Variants in DYM observed in about 807,000 individuals in gnomAD.
DYM encodes the protein dymeclin.
Under a neutral mutation model 93.1 loss-of-function variants are expected in DYM, and 78 were observed. The ratio of observed to expected loss-of-function variants is 0.84; its 90% CI spans 0.70 to 1.01. The LOEUF (loss-of-function observed/expected upper bound fraction) is 1.01. Among genes scored for constraint, DYM ranks in the 50% least tolerant of loss-of-function variants. The pLI, the probability that DYM is intolerant of heterozygous loss-of-function variation, is 0.00. For missense variants in DYM, 789 were observed against 845.0 expected (o/e 0.93, Z 0.82); for synonymous variants, 321 against 319.7 (o/e 1.00, Z -0.04).
intron 8 of DYM, among the ~76,000 whole-genome samples, chr18:49,323,822 G>A (rs1390475774): frequency 6.6e-6 from 1 of 152,162 alleles, no homozygotes; most frequent in Non-Finnish European, 1.5e-5. Flanking sequence ...ACAAATTATG[G>A]AAGTAAGGGT....
At chr18:49,380,533 G>C (rs954286992) in intron 3 of DYM, among the ~76,000 whole-genome samples, 1 of 152,162 alleles carries the variant, frequency 6.6e-6, no homozygotes, top group Non-Finnish European at 1.5e-5. Context: ...GCATTTCACC[G>C]ATCCTCACCT....
At position 49,320,038 on chromosome 18, in the gene DYM, T is replaced by C. The variant is rs114932798; in HGVS notation, c.763+11826A>G. Among the ~76,000 whole-genome samples the C allele has an allele frequency of 3.1e-3, 478 of 152,308 alleles. 4 individuals carry two copies. Among genetic ancestry groups the C allele is most frequent in the African/African-American group, 0.011 (443 of 41,578 alleles). On this transcript the variant is annotated intron_variant, in intron 8 of 17. Transcript: ENST00000675505. Reference sequence around the variant, plus strand: ...GCCATAATCCTATAAAGCATCATCATTCCGTTTTTAAAGATAGGGAAAAGC... The same window carrying C: ...GCCATAATCCTATAAAGCATCATCACTCCGTTTTTAAAGATAGGGAAAAGC...
intron 16 of DYM, among the ~76,000 whole-genome samples, chr18:49,099,960 C>T (rs953356460): frequency 5.3e-5 from 8 of 152,060 alleles, no homozygotes; most frequent in Non-Finnish European, 8.8e-5. Context: ...TGGGGAAACA[C>T]GCTATTTCGT....
At chr18:49,165,719 CTGAA>C (rs1184557450) in intron 14 of DYM, among the ~76,000 whole-genome samples, 1 of 152,014 alleles carries the variant, frequency 6.6e-6, no homozygotes, top group Non-Finnish European at 1.5e-5. Context: ...GAAGTAATTA[CTGAA>C]TGAATAAGTA....
chr18:49,276,570 A>T (rs965549102), intron 10 of DYM, among the ~76,000 whole-genome samples: 1 of 152,166 alleles, frequency 6.6e-6, no homozygotes, highest in Non-Finnish European at 1.5e-5. Flanking sequence ...GAGAAAAACC[A>T]AGTCTAAAGT....
intron 16 of DYM, among the ~76,000 whole-genome samples, chr18:49,107,431 T>G (rs1283829964): frequency 6.6e-6 from 1 of 152,230 alleles, no homozygotes; most frequent in African/African-American, 2.4e-5. Flanking sequence ...CCGTCCAGCT[T>G]TGTTCCGTTG....
intron 5 of DYM, among the ~76,000 whole-genome samples, chr18:49,373,060 T>C (rs1164862441): frequency 2.6e-5 from 4 of 152,074 alleles, no homozygotes; most frequent in Non-Finnish European, 5.9e-5. Flanking sequence ...GACCCCAAAA[T>C]AAATACAGTA....
chr18:49,271,380 GA>G (rs997276976), intron 11 of DYM, among the ~76,000 whole-genome samples: 1 of 152,114 alleles, frequency 6.6e-6, no homozygotes, highest in Admixed American at 6.6e-5. Context: ...ATGGAAAAAG[GA>G]AAAAGTCTGT....
intron 1 of DYM, among the ~76,000 whole-genome samples, chr18:49,446,705 A>T (rs1433880038): frequency 6.6e-6 from 1 of 152,176 alleles, no homozygotes; most frequent in Non-Finnish European, 1.5e-5. Flanking sequence ...ATCAACAAGA[A>T]ATGTTAAGAT....
At chr18:49,103,293 T>C (rs930000375) in intron 16 of DYM, among the ~76,000 whole-genome samples, 2 of 152,222 alleles carry the variant, frequency 1.3e-5, no homozygotes, top group African/African-American at 2.4e-5. Flanking sequence ...TTTGAGTTCA[T>C]TGTAGATTCT....
chr18:49,145,867 T>C (rs936834646), intron 15 of DYM, among the ~76,000 whole-genome samples: 6 of 152,180 alleles, frequency 3.9e-5, no homozygotes, highest in African/African-American at 1.4e-4. Flanking sequence ...TGGTCTATTT[T>C]ACTTGTTTTC....
chr18:49,133,231 G>C (rs764786705), intron 15 of DYM, among the ~76,000 whole-genome samples: 2 of 152,110 alleles, frequency 1.3e-5, no homozygotes, highest in Non-Finnish European at 2.9e-5. Flanking sequence ...AAGACTCTTT[G>C]TCCCTACAAT....
At chr18:49,086,191 A>T (rs946039247) in intron 17 of DYM, among the ~76,000 whole-genome samples, 1 of 152,168 alleles carries the variant, frequency 6.6e-6, no homozygotes, top group Non-Finnish European at 1.5e-5. Context: ...TAAGAAAGGA[A>T]TTTCTTCCAG....
rs2065044648 is a variant in DYM at position 49,350,739 on chromosome 18, A to C, written c.494+12422T>G. On this transcript the variant is annotated intron_variant, in intron 6 of 17. Coordinates refer to ENST00000675505, the MANE Select transcript of DYM (RefSeq NM_001353214.3). Reference sequence around the variant, plus strand: ...AAGAAAAAAAAAGAAAAAAAAAAAAAAAACAAGAAACACTTTTTATGCGGT... The same window carrying C: ...AAGAAAAAAAAAGAAAAAAAAAAAACAAACAAGAAACACTTTTTATGCGGT... 2.6e-5 allele frequency among the ~76,000 whole-genome samples: 4 copies of C among 151,678 alleles called. 1 individual carries two copies. Among genetic ancestry groups the C allele is most frequent in the East Asian group, 1.9e-4 (1 of 5,172 alleles).
chr18:49,367,155 C>G (rs2066600240), intron 5 of DYM, among the ~76,000 whole-genome samples: 1 of 152,104 alleles, frequency 6.6e-6, no homozygotes, highest in Non-Finnish European at 1.5e-5. Flanking sequence ...ACTATGTATT[C>G]ATCAACACAT....
chr18:49,117,542 T>G (rs1378371021), intron 16 of DYM, among the ~76,000 whole-genome samples: 1 of 152,136 alleles, frequency 6.6e-6, no homozygotes, highest in Non-Finnish European at 1.5e-5. Context: ...GTTATTTATC[T>G]ATTATTAATA....
intron 15 of DYM, among the ~76,000 whole-genome samples, chr18:49,125,711 G>A (rs2082752796): frequency 6.6e-6 from 1 of 152,188 alleles, no homozygotes; most frequent in Non-Finnish European, 1.5e-5. Flanking sequence ...AGACACTAAA[G>A]TGACTCCCCT....
intron 16 of DYM, among the ~76,000 whole-genome samples, chr18:49,115,577 T>C (rs990326035): frequency 2.0e-5 from 3 of 152,162 alleles, no homozygotes; most frequent in Non-Finnish European, 4.4e-5. Flanking sequence ...GATAGAGGAC[T>C]GCCACAAGGG....
intron 14 of DYM, among the ~76,000 whole-genome samples, chr18:49,208,065 C>T (rs2092607170): frequency 6.6e-6 from 1 of 151,406 alleles, no homozygotes; most frequent in African/African-American, 2.4e-5. Flanking sequence ...CACCTGTAAT[C>T]CCAGCTACTC....
Sources: allele counts gnomAD v4.1 joint callset (sites outside exome capture counted in the v4.1 genomes callset), GRCh38; gene constraint gnomAD v4.1.1; transcripts MANE v1.5; gene names NCBI Gene and HGNC (gene_info 2026-07-23, HGNC 2026-07-21).